PCSK2: variants seen among roughly 807,000 people sequenced by gnomAD.
PCSK2 encodes the protein neuroendocrine convertase 2.
PCSK2 carries 14 observed loss-of-function variants against 69.7 expected under a neutral mutation model. The ratio of observed to expected loss-of-function variants is 0.20; its 90% CI spans 0.13 to 0.31. PCSK2 has a LOEUF of 0.31. Among genes scored for constraint, PCSK2 ranks in the 10% least tolerant of loss-of-function variants. The pLI is 1.00. For missense variants in PCSK2, 544 were observed against 842.5 expected (o/e 0.65, Z 4.39); for synonymous variants, 307 against 320.7 (o/e 0.96, Z 0.46).
intron 5 of PCSK2, among the ~76,000 whole-genome samples, chr20:17,395,450 C>G (rs1051181735): frequency 2.6e-5 from 4 of 152,116 alleles, no homozygotes; most frequent in African/African-American, 4.8e-5. Flanking sequence ...TAAAAATGAG[C>G]TGCAGATGTC....
chr20:17,258,103 G>A (rs2328142), intron 1 of PCSK2, among the ~76,000 whole-genome samples: 76,746 of 151,974 alleles, frequency 0.5, 19,539 homozygotes, highest in East Asian at 0.66. Flanking sequence ...AATTATTTAG[G>A]GATGGAGCTT....
chr20:17,466,538 A>G (rs1446967546), intron 11 of PCSK2, among the ~76,000 whole-genome samples: 2 of 152,188 alleles, frequency 1.3e-5, no homozygotes, highest in Non-Finnish European at 2.9e-5. Flanking sequence ...GCGTTAGTCA[A>G]CTGCACCCAC....
intron 6 of PCSK2, among the ~76,000 whole-genome samples, chr20:17,426,927 G>A (rs1343150838): frequency 6.6e-6 from 1 of 152,172 alleles, no homozygotes; most frequent in East Asian, 1.9e-4. Context: ...GATACCTCGT[G>A]GCCCAGCCAT....
intron 5 of PCSK2, among the ~76,000 whole-genome samples, chr20:17,382,798 C>G (rs187076139): frequency 1.3e-5 from 2 of 152,174 alleles, no homozygotes; most frequent in Non-Finnish European, 2.9e-5. Context: ...TGGCTCTCCC[C>G]CTTCCCTGTG....
In PCSK2 at chr20:17,272,448, G is replaced by A. The variant is rs192149708; in HGVS notation, c.282+12104G>A. On this transcript the variant is annotated intron_variant, in intron 2 of 11. Transcript: ENST00000262545. ...ACTCATAATCCATCCTTGAAGGATCGAGGTATTGGTTCTAAAACAAGGAAC... is the reference window on the plus strand; with the variant it reads ...ACTCATAATCCATCCTTGAAGGATCAAGGTATTGGTTCTAAAACAAGGAAC... Among the ~76,000 whole-genome samples the A allele has an allele frequency of 1.3e-3, 202 of 152,138 alleles. 1 individual carries two copies. The highest frequency in any genetic ancestry group is 4.6e-3 in the African/African-American group (193 of 41,540).
intron 2 of PCSK2, among the ~76,000 whole-genome samples, chr20:17,346,114 C>A (rs1201529724): frequency 6.6e-6 from 1 of 152,204 alleles, no homozygotes; most frequent in Non-Finnish European, 1.5e-5. Context: ...ACATCCCCAC[C>A]CAGCATCCTC....
intron 4 of PCSK2, among the ~76,000 whole-genome samples, chr20:17,361,912 G>A (rs149022099): frequency 1.3e-5 from 2 of 152,248 alleles, no homozygotes; most frequent in South Asian, 2.1e-4. Context: ...GTTCCAAAGG[G>A]GTTCAGGCCA....
intron 6 of PCSK2, among the ~76,000 whole-genome samples, chr20:17,418,881 G>A (rs2032060532): frequency 6.6e-6 from 1 of 152,218 alleles, no homozygotes; most frequent in African/African-American, 2.4e-5. Context: ...AGCAGCGATA[G>A]GCTTGTTGCT....
At chr20:17,273,635 C>T (rs562575775) in intron 2 of PCSK2, among the ~76,000 whole-genome samples, 15 of 152,236 alleles carry the variant, frequency 9.9e-5, no homozygotes, top group African/African-American at 3.4e-4. Flanking sequence ...ATCAGTGTTC[C>T]TTAAACTGTG....
chr20:17,275,151 A>C (rs1387062928), intron 2 of PCSK2, among the ~76,000 whole-genome samples: 1 of 150,542 alleles, frequency 6.6e-6, no homozygotes. Context: ...TTCTTATAAA[A>C]GAGTCCCTTT....
intron 2 of PCSK2, among the ~76,000 whole-genome samples, chr20:17,319,196 A>G (rs772833120): frequency 2.6e-5 from 4 of 152,246 alleles, no homozygotes; most frequent in African/African-American, 9.6e-5. Flanking sequence ...CGATAAGATA[A>G]AGACAAAAAA....
chr20:17,471,127 G>A lies in PCSK2; in HGVS notation c.1430+5574G>A, dbSNP rs116250553. Among the ~76,000 whole-genome samples, 271 of 152,316 alleles carry A rather than the reference G, an allele frequency of 1.8e-3. 1 individual carries two copies. Among genetic ancestry groups the A allele is most frequent in the African/African-American group, 5.9e-3 (246 of 41,564 alleles). On this transcript the variant is annotated intron_variant, in intron 11 of 11. Coordinates refer to ENST00000262545, the MANE Select transcript of PCSK2 (RefSeq NM_002594.5). The stretch of plus-strand genomic sequence containing the variant: ...AGGGCAGGAGGGGAGCACCGCGGGA[G>A]AGAAGGAGAGAGAGGGAATGAGGGC...
intron 4 of PCSK2, among the ~76,000 whole-genome samples, chr20:17,362,847 G>C (rs1432303345): frequency 6.6e-6 from 1 of 152,214 alleles, no homozygotes; most frequent in Non-Finnish European, 1.5e-5. Flanking sequence ...CAAGTTCACT[G>C]TTGAATAGCA....
chr20:17,270,027 C>T lies in PCSK2; in HGVS notation c.282+9683C>T, dbSNP rs17702642. ...AGGATATAATTTCTCACTCCTCAAA[C>T]CTCTGCTTCAAAATAAATTTTATTC... On this transcript the variant is annotated intron_variant, in intron 2 of 11. Coordinates refer to ENST00000262545, the MANE Select transcript of PCSK2 (RefSeq NM_002594.5). 2.4e-3 allele frequency among the ~76,000 whole-genome samples: 367 copies of T among 152,164 alleles called. 1 individual carries two copies. Among genetic ancestry groups the T allele is most frequent in the Non-Finnish European group, 4.4e-3 (296 of 67,996 alleles).
chr20:17,442,634 C>T (rs756647898), intron 8 of PCSK2, among the ~76,000 whole-genome samples: 1 of 152,116 alleles, frequency 6.6e-6, no homozygotes, highest in Non-Finnish European at 1.5e-5. Flanking sequence ...AAGGAATGAG[C>T]GTGTGAAAAT....
chr20:17,357,749 C>G (rs1298836055), intron 2 of PCSK2, among the ~76,000 whole-genome samples: 1 of 152,070 alleles, frequency 6.6e-6, no homozygotes. Context: ...ACAAAATTAG[C>G]TGGGTGTGGT....
At chr20:17,318,848 A>G (rs1041019489) in intron 2 of PCSK2, among the ~76,000 whole-genome samples, 4 of 152,170 alleles carry the variant, frequency 2.6e-5, no homozygotes, top group Admixed American at 2.6e-4. Context: ...CACTTTAGAC[A>G]AGAAGCCCAT....
chr20:17,273,091 C>T (rs1227047092), intron 2 of PCSK2, among the ~76,000 whole-genome samples: 1 of 152,036 alleles, frequency 6.6e-6, no homozygotes, highest in Non-Finnish European at 1.5e-5. Context: ...TTCAAGGGTG[C>T]CAGGTGACAC....
intron 5 of PCSK2, among the ~76,000 whole-genome samples, chr20:17,374,451 G>A (rs750103276): frequency 3.3e-5 from 5 of 152,302 alleles, no homozygotes; most frequent in East Asian, 1.9e-4. Context: ...GGGGTAGAAC[G>A]TCTCCTGCTT....
Sources: allele counts gnomAD v4.1 joint callset (sites outside exome capture counted in the v4.1 genomes callset), GRCh38; gene constraint gnomAD v4.1.1; transcripts MANE v1.5; gene names NCBI Gene and HGNC (gene_info 2026-07-23, HGNC 2026-07-21).